Variants in CTNND2 observed in about 807,000 individuals in gnomAD.
CTNND2 encodes the protein catenin delta 2.
A neutral mutation model predicts 144.4 loss-of-function variants in CTNND2; 22 were observed. The ratio of observed to expected loss-of-function variants is 0.15; its 90% CI spans 0.11 to 0.22. The LOEUF is 0.22. Ranked by LOEUF, CTNND2 falls within the 10% of genes least tolerant of loss-of-function variation. CTNND2 has a pLI of 1.00. For missense variants in CTNND2, 1,353 were observed against 1,618.8 expected (o/e 0.84, Z 2.82); for synonymous variants, 751 against 695.6 (o/e 1.08, Z -1.25).
chr5:11,269,033 A>G (rs570638869), intron 9 of CTNND2, among the ~76,000 whole-genome samples: 1 of 152,332 alleles, frequency 6.6e-6, no homozygotes, highest in Admixed American at 6.5e-5. Context: ...TTAGAAATAC[A>G]ACAACACAGC....
At chr5:11,745,634 C>G (rs899567706) in intron 1 of CTNND2, among the ~76,000 whole-genome samples, 1 of 152,188 alleles carries the variant, frequency 6.6e-6, no homozygotes, top group African/African-American at 2.4e-5. Context: ...CAGAAACACA[C>G]CAAATTCAGC....
At chr5:11,139,686 A>G (rs1756521066) in intron 12 of CTNND2, among the ~76,000 whole-genome samples, 1 of 152,230 alleles carries the variant, frequency 6.6e-6, no homozygotes, top group Admixed American at 6.5e-5. Flanking sequence ...GGTGCTCCAC[A>G]GGAATGCAAC....
intron 12 of CTNND2, among the ~76,000 whole-genome samples, chr5:11,146,449 C>T (rs1757252877): frequency 1.3e-5 from 2 of 152,154 alleles, no homozygotes; most frequent in Admixed American, 1.3e-4. Flanking sequence ...GGCTTTCTAC[C>T]AAGGGCTCCA....
chr5:11,396,315 A>C (rs550879437), intron 6 of CTNND2, among the ~76,000 whole-genome samples: 1 of 152,314 alleles, frequency 6.6e-6, no homozygotes, highest in East Asian at 1.9e-4. Context: ...AATTATAAAA[A>C]CTAAAATATT....
chr5:11,309,116 A>T (rs1245315664), intron 9 of CTNND2, among the ~76,000 whole-genome samples: 1 of 152,174 alleles, frequency 6.6e-6, no homozygotes, highest in East Asian at 1.9e-4. Context: ...TTGGGCAGGG[A>T]CACAAATTGA....
chr5:11,065,333 G>A (rs1482417246), intron 16 of CTNND2, among the ~76,000 whole-genome samples: 1 of 152,196 alleles, frequency 6.6e-6, no homozygotes, highest in African/African-American at 2.4e-5. Context: ...AGTATTGTTT[G>A]TTGCTCACAG....
chr5:11,840,407 G>A (rs938508568), intron 1 of CTNND2, among the ~76,000 whole-genome samples: 18 of 152,126 alleles, frequency 1.2e-4, no homozygotes, highest in Non-Finnish European at 2.2e-4. Context: ...TCAGGTTAGT[G>A]GCTGATTTCA....
At position 11,837,258 on chromosome 5, in the gene CTNND2, A is replaced by T. The variant is rs556537384; in HGVS notation, c.37+66559T>A. 1.2e-4 allele frequency among the ~76,000 whole-genome samples: 18 copies of T among 152,274 alleles called. No homozygotes were observed. In the East Asian group the frequency reaches 3.5e-3, roughly 29 times the overall value. Reference sequence around the variant, plus strand: ...GGTGAATGGAGGGAAAGAATAAAGCACTGAATCAAAACAATGGGATCAGAT... The same window carrying T: ...GGTGAATGGAGGGAAAGAATAAAGCTCTGAATCAAAACAATGGGATCAGAT... On this transcript the variant is annotated intron_variant, in intron 1 of 21. Coordinates refer to ENST00000304623, the MANE Select transcript of CTNND2 (RefSeq NM_001332.4).
At chr5:11,195,865 C>T (rs1736809466) in intron 11 of CTNND2, among the ~76,000 whole-genome samples, 1 of 152,144 alleles carries the variant, frequency 6.6e-6, no homozygotes. Flanking sequence ...GCTTTTCAAG[C>T]AATGGCTAGC....
intron 12 of CTNND2, among the ~76,000 whole-genome samples, chr5:11,139,595 G>A (rs1756510653): frequency 2.0e-5 from 3 of 152,200 alleles, no homozygotes; most frequent in South Asian, 2.1e-4. Context: ...GCTAGACCTC[G>A]TGTCCTGCTG....
intron 2 of CTNND2, among the ~76,000 whole-genome samples, chr5:11,635,957 A>G (rs778537794): frequency 2.6e-5 from 4 of 151,920 alleles, no homozygotes; most frequent in Non-Finnish European, 4.4e-5. Context: ...TCTTACACTA[A>G]TTTCCAGTCT....
chr5:11,070,624 A>G (rs1748154563), intron 16 of CTNND2, among the ~76,000 whole-genome samples: 1 of 152,214 alleles, frequency 6.6e-6, no homozygotes, highest in Non-Finnish European at 1.5e-5. Flanking sequence ...AGGGAACAAC[A>G]GTAACAACTG....
intron 1 of CTNND2, among the ~76,000 whole-genome samples, chr5:11,862,117 T>C (rs1200272739): frequency 6.6e-6 from 1 of 152,198 alleles, no homozygotes; most frequent in Non-Finnish European, 1.5e-5. Flanking sequence ...GAAATAGAAA[T>C]TAAGACTTCT....
chr5:11,697,300 T>C (rs1313426515), intron 2 of CTNND2, among the ~76,000 whole-genome samples: 1 of 152,180 alleles, frequency 6.6e-6, no homozygotes, highest in Admixed American at 6.5e-5. Context: ...CTTAACAGTA[T>C]ATAAAAGTTG....
At chr5:11,086,570 A>T (rs1230898868) in intron 15 of CTNND2, among the ~76,000 whole-genome samples, 1 of 152,228 alleles carries the variant, frequency 6.6e-6, no homozygotes, top group Non-Finnish European at 1.5e-5. Context: ...GCATCAGGCA[A>T]ATGAGGGCTC....
intron 1 of CTNND2, among the ~76,000 whole-genome samples, chr5:11,858,981 A>G (rs1795378246): frequency 6.6e-6 from 1 of 152,210 alleles, no homozygotes; most frequent in African/African-American, 2.4e-5. Flanking sequence ...AATATGTCAC[A>G]AACTTATATA....
intron 8 of CTNND2, among the ~76,000 whole-genome samples, chr5:11,348,263 A>T (rs2149742714): frequency 6.6e-6 from 1 of 152,290 alleles, no homozygotes; most frequent in East Asian, 1.9e-4. Flanking sequence ...AAGTATTACC[A>T]GCATGTGTAA....
At chr5:11,550,504 TG>T (rs2150083465) in intron 3 of CTNND2, among the ~76,000 whole-genome samples, 1 of 152,356 alleles carries the variant, frequency 6.6e-6, no homozygotes, top group East Asian at 1.9e-4. Context: ...GTCAATGCCT[TG>T]GACAGATCTT....
chr5:11,031,574 G>A (rs748103368), intron 16 of CTNND2, among the ~76,000 whole-genome samples: 6 of 152,250 alleles, frequency 3.9e-5, no homozygotes, highest in African/African-American at 9.6e-5. Flanking sequence ...AGGATGCCTC[G>A]GTGGGCTGGT....
Sources: allele counts gnomAD v4.1 joint callset (sites outside exome capture counted in the v4.1 genomes callset), GRCh38; gene constraint gnomAD v4.1.1; transcripts MANE v1.5; gene names NCBI Gene and HGNC (gene_info 2026-07-23, HGNC 2026-07-21).